The following SPATA13 variants were observed in gnomAD, a reference collection of about 807,000 sequenced individuals.
SPATA13 encodes the protein spermatogenesis-associated protein 13.
In SPATA13, 50 loss-of-function variants were observed where a neutral mutation model predicts 104.0. The ratio of observed to expected loss-of-function variants is 0.48; its 90% confidence interval spans 0.38 to 0.61. The LOEUF (loss-of-function observed/expected upper bound fraction) is 0.61, where lower values mean the gene tolerates loss of function less well. Ranked by LOEUF, SPATA13 falls within the 20% of genes least tolerant of loss-of-function variation. SPATA13 has a pLI of 0.00. For missense variants in SPATA13, 1,524 were observed against 1,690.6 expected (o/e 0.90, Z 1.73); for synonymous variants, 606 against 667.5 (o/e 0.91, Z 1.42).
chr13:24,171,767 G>A (rs925590684), intron 1 of SPATA13, among the ~76,000 whole-genome samples: 1 of 152,158 alleles, frequency 6.6e-6, no homozygotes, highest in Non-Finnish European at 1.5e-5. Context: ...CAAAGTTTTG[G>A]TGCATAGATG....
chr13:24,192,858 G>C (rs1410193873), intron 1 of SPATA13, among the ~76,000 whole-genome samples: 1 of 152,170 alleles, frequency 6.6e-6, no homozygotes, highest in Admixed American at 6.5e-5. Context: ...AACTAGGTTA[G>C]GCAACAGGAG....
At chr13:24,278,303 TC>T (rs1182697137) in intron 4 of SPATA13, among the ~76,000 whole-genome samples, 2 of 152,194 alleles carry the variant, frequency 1.3e-5, no homozygotes, top group Non-Finnish European at 2.9e-5. Flanking sequence ...AGTTTCCTCA[TC>T]TGCAAGTGGG....
chr13:24,294,896 C>T (rs1876656984), intron 10 of SPATA13, 28 bp downstream of exon 10: 1 of 1,588,304 alleles, frequency 6.3e-7, no homozygotes, highest in African/African-American at 1.3e-5. Flanking sequence ...CACATGATCC[C>T]ATGCCACTCG....
intron 1 of SPATA13, among the ~76,000 whole-genome samples, chr13:24,191,692 A>C (rs1869769562): frequency 6.6e-6 from 1 of 151,386 alleles, no homozygotes; most frequent in African/African-American, 2.4e-5. Context: ...TTGTATTTTT[A>C]GTAGAGACAG....
At chr13:24,140,275 C>A (rs909114689) in intron 3 of SPATA13, among the ~76,000 whole-genome samples, 13 of 152,228 alleles carry the variant, frequency 8.5e-5, no homozygotes, top group African/African-American at 2.6e-4. Flanking sequence ...TCTGTGAACA[C>A]CACGGTGGGT....
chr13:24,148,125 G>A (rs944338424), intron 3 of SPATA13, among the ~76,000 whole-genome samples: 1 of 152,148 alleles, frequency 6.6e-6, no homozygotes. Flanking sequence ...GGGTAAAATT[G>A]TTGAATCATA....
intron 3 of SPATA13, among the ~76,000 whole-genome samples, chr13:24,147,662 A>AT (rs139972830): frequency 0.027 from 4,057 of 152,260 alleles, 167 homozygotes; most frequent in African/African-American, 0.09. Flanking sequence ...GTTTAAGTCT[A>AT]TTAAGTACAT....
chr13:24,037,316 A>G (rs2137723580), intron 3 of SPATA13, among the ~76,000 whole-genome samples: 1 of 151,984 alleles, frequency 6.6e-6, no homozygotes, highest in South Asian at 2.1e-4. Context: ...ACAAACCTGC[A>G]CGTTGTGCAC....
chr13:24,116,044 AG>A (rs1361986636), intron 3 of SPATA13, among the ~76,000 whole-genome samples: 1 of 152,240 alleles, frequency 6.6e-6, no homozygotes, highest in Admixed American at 6.5e-5. Flanking sequence ...TTGGGGTTCC[AG>A]GTCAGCTGTA....
intron 2 of SPATA13, among the ~76,000 whole-genome samples, chr13:24,012,787 G>A (rs572101525): frequency 4.6e-5 from 7 of 152,226 alleles, no homozygotes; most frequent in Non-Finnish European, 1.0e-4. Flanking sequence ...CCACAGCAAT[G>A]CCCAGAACAC....
intron 3 of SPATA13, among the ~76,000 whole-genome samples, chr13:24,025,342 AT>A (rs1257357228): frequency 3.3e-5 from 5 of 152,144 alleles, no homozygotes; most frequent in Admixed American, 1.3e-4. Flanking sequence ...ATACCAAAAA[AT>A]ATATATAATA....
chr13:24,159,104 A>T (rs1319904324), upstream of SPATA13, among the ~76,000 whole-genome samples: 2 of 93,204 alleles, frequency 2.1e-5, no homozygotes, highest in African/African-American at 7.8e-5. Flanking sequence ...AAGAGATAAT[A>T]AAAAAACCCT....
At chr13:24,262,601 G>T (rs1056430748) in intron 4 of SPATA13, among the ~76,000 whole-genome samples, 5 of 152,172 alleles carry the variant, frequency 3.3e-5, no homozygotes, top group Non-Finnish European at 7.4e-5. Context: ...CAATCCTTGG[G>T]CAAGTCACTT....
In SPATA13 at chr13:24,107,237, C is replaced by CAAAAAAAAAAAAAAAAAAAAAAAAA. The variant is rs11421515; in HGVS notation, c.-112+89539_-112+89563dup. On this transcript the variant is annotated intron_variant, in intron 3 of 14. Coordinates refer to the SPATA13 transcript ENST00000424834. ...CTCAAGTGCCCTTTTGAACAAGAGG[C>CAAAAAAAAAAAAAAAAAAAAAAAAA]AAAAAAAAAAAAAAAAAAAAAAAAA... Among the ~76,000 whole-genome samples, 2 of 34,266 alleles carry CAAAAAAAAAAAAAAAAAAAAAAAAA rather than the reference C, an allele frequency of 5.8e-5. 1 individual carries two copies. Among genetic ancestry groups the CAAAAAAAAAAAAAAAAAAAAAAAAA allele is most frequent in the Non-Finnish European group, 9.3e-5 (2 of 21,512 alleles). 22.5% of individuals were successfully genotyped at this position (34,266 alleles called of 152,430 possible).
At position 24,266,088 on chromosome 13, in the gene SPATA13, G is replaced by A. The variant is rs371963239; in HGVS notation, c.2164+14226G>A. ...CAGTCTCCAGAAATCCTCCTAGAGA[G>A]GTCAAGTGCTGACTACTGTTGTGAG... On this transcript the variant is annotated intron_variant, in intron 4 of 12. Coordinates refer to ENST00000382108, the MANE Select transcript of SPATA13 (RefSeq NM_001166271.3). Among the ~76,000 whole-genome samples, 19 of 152,262 alleles carry A rather than the reference G, an allele frequency of 1.2e-4. No homozygotes were observed. The South Asian group carries it at 3.9e-3, about 32-fold the overall frequency.
intron 3 of SPATA13, among the ~76,000 whole-genome samples, chr13:24,027,379 C>T (rs1013572909): frequency 4.6e-5 from 7 of 150,828 alleles, no homozygotes; most frequent in East Asian, 2.0e-4. Flanking sequence ...ATGATCCACC[C>T]GCCTCGGCCT....
chr13:24,271,788 G>T (rs2138697567), intron 4 of SPATA13, among the ~76,000 whole-genome samples: 1 of 152,276 alleles, frequency 6.6e-6, no homozygotes, highest in South Asian at 2.1e-4. Flanking sequence ...ATGGCAGCTC[G>T]AGGCAGCCTG....
intron 2 of SPATA13, among the ~76,000 whole-genome samples, chr13:23,989,668 T>A (rs1297604049): frequency 6.6e-6 from 1 of 152,200 alleles, no homozygotes; most frequent in Non-Finnish European, 1.5e-5. Flanking sequence ...CATACCTATC[T>A]ACTCTTTTCT....
intron 1 of SPATA13, among the ~76,000 whole-genome samples, chr13:24,218,811 A>G (rs567192131): frequency 1.3e-5 from 2 of 151,882 alleles, no homozygotes; most frequent in South Asian, 4.1e-4. Context: ...GGAAAGCCAG[A>G]AGGTTAGACA....
Sources: gnomAD v4.1 joint callset for allele counts (sites outside exome capture counted in the v4.1 genomes callset) on GRCh38, gnomAD v4.1.1 for gene constraint, MANE v1.5 for transcripts, NCBI Gene and HGNC (gene_info 2026-07-23, HGNC 2026-07-21) for gene names.